The following CCNY variants were observed in gnomAD, a reference collection of about 807,000 sequenced individuals.
CCNY encodes cyclin-Y.
In CCNY, 19 loss-of-function variants were observed where a neutral mutation model predicts 42.8. That is an observed-to-expected ratio of 0.44 (90% CI 0.31 to 0.65). The LOEUF (loss-of-function observed/expected upper bound fraction) is 0.65, where lower values mean the gene tolerates loss of function less well. Among genes scored for constraint, CCNY ranks in the 30% least tolerant of loss-of-function variants. The pLI, the probability that CCNY is intolerant of heterozygous loss-of-function variation, is 0.07. For missense variants in CCNY, 370 were observed against 437.3 expected (o/e 0.85, Z 1.37); for synonymous variants, 165 against 162.7 (o/e 1.01, Z -0.11).
intron 3 of CCNY, among the ~76,000 whole-genome samples, chr10:35,515,522 T>C (rs920663915): frequency 2.6e-5 from 4 of 152,196 alleles, no homozygotes; most frequent in African/African-American, 7.2e-5. Flanking sequence ...ACTAAATTTG[T>C]GAACTGTGTA....
intron 3 of CCNY, among the ~76,000 whole-genome samples, chr10:35,256,713 A>G (rs2095715745): frequency 6.6e-6 from 1 of 151,362 alleles, no homozygotes; most frequent in African/African-American, 2.4e-5. Context: ...CCTGGGCGAC[A>G]GAGAGAGACT....
intron 1 of CCNY, among the ~76,000 whole-genome samples, chr10:35,460,229 A>ATC (rs546359841): frequency 1.3e-5 from 2 of 152,026 alleles, no homozygotes; most frequent in East Asian, 1.9e-4. Flanking sequence ...CTTTTAAAAA[A>ATC]TCTCTCTCTC....
chr10:35,496,316 C>G (rs1296804059), intron 2 of CCNY, among the ~76,000 whole-genome samples: 1 of 152,228 alleles, frequency 6.6e-6, no homozygotes, highest in Admixed American at 6.5e-5. Flanking sequence ...CCTGTGCACA[C>G]CAGTGATGTT....
At position 35,412,860 on chromosome 10, in the gene CCNY, C is replaced by CAAAAAAAAAAAAAAAAA. The variant is rs10558250; in HGVS notation, c.155-70532_155-70516dup. ...TGGGCGACAGAGCGAGACTCTGTCT[C>CAAAAAAAAAAAAAAAAA]AAAAAAAAAAAAAAAAAAAAAAAAA... On this transcript the variant is annotated intron_variant, in intron 1 of 9. Coordinates refer to ENST00000374704, the MANE Select transcript of CCNY (RefSeq NM_145012.6). Among the ~76,000 whole-genome samples the CAAAAAAAAAAAAAAAAA allele has an allele frequency of 6.9e-4, 24 of 34,766 alleles. 1 individual carries two copies. The highest frequency in any genetic ancestry group is 1.0e-3 in the African/African-American group (10 of 9,896). 22.8% of individuals were successfully genotyped at this position (34,766 alleles called of 152,430 possible). A position where few individuals can be genotyped will look rare whatever the true frequency, so the allele number is the denominator to read the frequency against.
chr10:35,480,219 G>T (rs746595039), intron 1 of CCNY, among the ~76,000 whole-genome samples: 4 of 152,152 alleles, frequency 2.6e-5, no homozygotes, highest in Non-Finnish European at 5.9e-5. Context: ...GTGGCCCAGG[G>T]AGCATTCTTG....
intron 3 of CCNY, among the ~76,000 whole-genome samples, chr10:35,505,999 A>G (rs1194615846): frequency 3.3e-5 from 5 of 152,240 alleles, no homozygotes; most frequent in African/African-American, 1.2e-4. Context: ...TTCTGGTTAT[A>G]GGCTTCATCT....
intron 3 of CCNY, among the ~76,000 whole-genome samples, chr10:35,283,806 G>A (rs957941523): frequency 2.0e-5 from 3 of 152,270 alleles, no homozygotes; most frequent in African/African-American, 4.8e-5. Flanking sequence ...TAATTGGGCC[G>A]GGCGAGGTGT....
At chr10:35,547,879 TGG>T (rs1459511334) in intron 7 of CCNY, among the ~76,000 whole-genome samples, 1 of 152,070 alleles carries the variant, frequency 6.6e-6, no homozygotes, top group Non-Finnish European at 1.5e-5. Context: ...AATGCAGCAT[TGG>T]GAGCAAGCAG....
intron 1 of CCNY, among the ~76,000 whole-genome samples, chr10:35,345,157 T>G (rs1373097864): frequency 2.0e-5 from 3 of 152,194 alleles, no homozygotes; most frequent in Non-Finnish European, 4.4e-5. Flanking sequence ...CCACACTGAC[T>G]TCCACAATGG....
chr10:35,544,002 A>G (rs1452006846), intron 7 of CCNY, among the ~76,000 whole-genome samples: 1 of 152,258 alleles, frequency 6.6e-6, no homozygotes, highest in Non-Finnish European at 1.5e-5. Flanking sequence ...GTACAGCTGT[A>G]TGATGTATGT....
chr10:35,547,287 CA>C lies in CCNY; in HGVS notation c.580-5727del, dbSNP rs1764164408. Among the ~76,000 whole-genome samples the C allele has an allele frequency of 2.6e-5, 4 of 152,122 alleles. No homozygotes were observed. The South Asian group carries it at 8.3e-4, about 31-fold the overall frequency. On this transcript the variant is annotated intron_variant, in intron 7 of 9. Transcript: ENST00000374704. Reference sequence around the variant, plus strand: ...AAATGCCGTTAAAAATGAAAATCTCCAAAAATTGATAAGGTTATTCAGCTCT... The same window carrying C: ...AAATGCCGTTAAAAATGAAAATCTCCAAAATTGATAAGGTTATTCAGCTCT...
At chr10:35,407,333 A>G (rs1837802391) in intron 1 of CCNY, among the ~76,000 whole-genome samples, 1 of 151,874 alleles carries the variant, frequency 6.6e-6, no homozygotes, top group African/African-American at 2.4e-5. Context: ...GGAGGAGGGG[A>G]GAGAGGTCAG....
chr10:35,461,890 G>A (rs906406504), intron 1 of CCNY, among the ~76,000 whole-genome samples: 3 of 152,032 alleles, frequency 2.0e-5, no homozygotes, highest in African/African-American at 4.8e-5. Flanking sequence ...GCCTGCATAC[G>A]TAAATGCATA....
intron 1 of CCNY, among the ~76,000 whole-genome samples, chr10:35,479,155 G>A (rs1180784089): frequency 6.6e-6 from 1 of 151,430 alleles, no homozygotes; most frequent in Non-Finnish European, 1.5e-5. Context: ...TACACTGTTG[G>A]TGGGACTGTA....
rs569894445 is a variant in CCNY, at chr10:35,479,753, T to TATA, written c.155-3640_155-3638dup. ...TGCACATGTACCCTAAAACTTAAAG[T>TATA]ATAATAATAATAAAAAAAAAAGAAA... is the stretch of plus-strand genomic sequence containing the variant. On this transcript the variant is annotated intron_variant, in intron 1 of 9. Coordinates refer to ENST00000374704, the MANE Select transcript of CCNY (RefSeq NM_145012.6). Among the ~76,000 whole-genome samples, 58 of 150,676 alleles carry TATA rather than the reference T, an allele frequency of 3.8e-4. 1 individual carries two copies. The South Asian group carries it at 0.011, about 29-fold the overall frequency.
chr10:35,430,336 CAAAAAAAAAAA>C (rs397954370), intron 1 of CCNY, among the ~76,000 whole-genome samples: 881 of 55,626 alleles, frequency 0.016, 19 homozygotes, highest in African/African-American at 0.05. Flanking sequence ...GACTCCGTCT[CAAAAAAAAAAA>C]AAAAAAAAAA....
chr10:35,554,344 C>T (rs1841320614), intron 8 of CCNY, among the ~76,000 whole-genome samples: 1 of 152,048 alleles, frequency 6.6e-6, no homozygotes, highest in Non-Finnish European at 1.5e-5. Flanking sequence ...CTGCTGCAGA[C>T]CTATAAAATT....
chr10:35,340,935 C>T (rs1836165839), intron 1 of CCNY, among the ~76,000 whole-genome samples: 1 of 152,174 alleles, frequency 6.6e-6, no homozygotes, highest in Non-Finnish European at 1.5e-5. Context: ...CTCTCAAGAC[C>T]TCTGCTGCTG....
chr10:35,451,292 A>T (rs1441391776), intron 1 of CCNY, among the ~76,000 whole-genome samples: 1 of 152,236 alleles, frequency 6.6e-6, no homozygotes, highest in South Asian at 2.1e-4. Context: ...TTGCACCGTC[A>T]TGGACTGATA....
Sources: gnomAD v4.1 joint callset for allele counts (sites outside exome capture counted in the v4.1 genomes callset) on GRCh38, gnomAD v4.1.1 for gene constraint, MANE v1.5 for transcripts, NCBI Gene and HGNC (gene_info 2026-07-23, HGNC 2026-07-21) for gene names.